Variants in FAM133B observed in about 807,000 individuals in gnomAD.
The protein encoded by FAM133B is protein FAM133B.
Under a neutral mutation model 46.4 loss-of-function variants are expected in FAM133B, and 25 were observed. The observed-to-expected ratio is 0.54, with a 90% CI of 0.39 to 0.75. The LOEUF is 0.75. FAM133B is among the 30% of genes least tolerant of loss of function. The probability of loss-of-function intolerance (pLI) is 0.00; values close to 1 mark genes in which losing one functional copy is unlikely to be tolerated. For missense variants in FAM133B, 205 were observed against 277.6 expected, an observed-to-expected ratio of 0.74 and a Z score of 1.86; for synonymous variants, 75 against 86.0, an observed-to-expected ratio of 0.87 and a Z score of 0.71.
chr7:92,577,089 T>G lies in FAM133B; in HGVS notation c.465+14A>C, dbSNP rs373479242. On this transcript the variant is annotated intron_variant, in intron 7 of 10. Coordinates refer to ENST00000445716, the MANE Select transcript of FAM133B (RefSeq NM_152789.4). ...GTCTTTGTATCCAATATATTAATAA[T>G]TTAAATAATTTACCTTACTGTCTGA... 4.3e-4 allele frequency: 608 copies of G among 1,398,956 alleles called. No homozygotes were observed. The highest frequency in any genetic ancestry group is 2.0e-3 in the Middle Eastern group (9 of 4,570). The allele number at this position is 1,398,956 out of a possible 1,614,324, so 86.7% of individuals were successfully genotyped here.
chr7:92,584,728 T>C (rs893643124), intron 1 of FAM133B, among the ~76,000 whole-genome samples: 1 of 152,322 alleles, frequency 6.6e-6, no homozygotes, highest in Non-Finnish European at 1.5e-5. Flanking sequence ...GGTGTGGAAG[T>C]ATGACAAACA....
chr7:92,579,102 AC>A (rs1202950738), intron 3 of FAM133B: 12 of 491,036 alleles, frequency 2.4e-5, no homozygotes, highest in Non-Finnish European at 4.4e-5. Flanking sequence ...AAAATACAGA[AC>A]CTCTTTAACT....
chr7:92,587,048 G>C (rs779288998), intron 1 of FAM133B, among the ~76,000 whole-genome samples: 17 of 152,154 alleles, frequency 1.1e-4, no homozygotes, highest in South Asian at 4.1e-4. Flanking sequence ...TGGTGCTGGC[G>C]AATGTTGATA....
rs1427972505 is a variant in FAM133B, at chr7:92,569,890, C to T, written c.542G>A (p.Arg181Lys). 1 of 1,418,544 alleles carries T rather than the reference C, an allele frequency of 7.0e-7. No individual in the cohort carries two copies. The highest frequency in any genetic ancestry group is 9.2e-7 in the Non-Finnish European group (1 of 1,082,870). The allele number at this position is 1,418,544 out of a possible 1,614,324, so 87.9% of individuals were successfully genotyped here. Residue 181 changes from arginine to lysine, a missense_variant, in exon 9 of 11, where the codon AGA (arginine) becomes AAA (lysine). Transcript: ENST00000445716. ...AGGTTTATCTTCAGAATACATCTTTCTCTTTTTGCTGAGTCCTTTAATATC... is the reference window on the plus strand; with the variant it reads ...AGGTTTATCTTCAGAATACATCTTTTTCTTTTTGCTGAGTCCTTTAATATC... ...EKDIKGLSKKRKMYSEDKPLS... is the reference protein window; with the variant it reads ...EKDIKGLSKKKKMYSEDKPLS...
At position 92,567,330 on chromosome 7, in the gene FAM133B, A is replaced by C. The variant is rs114194819; in HGVS notation, c.610-1269T>G. Among the ~76,000 whole-genome samples, 1,410 of 152,348 alleles carry C rather than the reference A, an allele frequency of 9.3e-3. 18 individuals carry two copies. The highest frequency in any genetic ancestry group is 0.032 in the African/African-American group (1,327 of 41,566). On this transcript the variant is annotated intron_variant, in intron 9 of 10. Transcript: ENST00000445716. Reference sequence around the variant, plus strand: ...TATTAAACTTGCTACCATGTAGCAGACAAACATAATACAACACTAATACAT... The same window carrying C: ...TATTAAACTTGCTACCATGTAGCAGCCAAACATAATACAACACTAATACAT...
rs550066193 is a variant in FAM133B at position 92,579,601 on chromosome 7, C to T, written c.123-206G>A. ...ATAAATAACACTAATCACTCCTTTTCTAAATATGGATTATAAGAGCTAATA... is the reference window on the plus strand; with the variant it reads ...ATAAATAACACTAATCACTCCTTTTTTAAATATGGATTATAAGAGCTAATA... On this transcript the variant is annotated intron_variant, in intron 2 of 10. Transcript: ENST00000445716. Among the ~76,000 whole-genome samples, 64 of 152,298 alleles carry T rather than the reference C, an allele frequency of 4.2e-4. No individual in the cohort carries two copies. In the South Asian group the frequency reaches 0.013, roughly 31 times the overall value.
At chr7:92,568,061 C>T (rs1794416841) in intron 9 of FAM133B, among the ~76,000 whole-genome samples, 1 of 151,926 alleles carries the variant, frequency 6.6e-6, no homozygotes, top group Non-Finnish European at 1.5e-5. Flanking sequence ...CCACACCTGG[C>T]CCAGAAACTA....
intron 2 of FAM133B, among the ~76,000 whole-genome samples, chr7:92,580,078 A>AT (rs1270589937): frequency 5.3e-5 from 8 of 152,008 alleles, no homozygotes; most frequent in Middle Eastern, 3.4e-3. Context: ...GGAAGCTGGA[A>AT]TTTTTTTTAA....
chr7:92,563,700 A>G (rs1193818722), intron 10 of FAM133B, among the ~76,000 whole-genome samples: 1 of 152,216 alleles, frequency 6.6e-6, no homozygotes, highest in Non-Finnish European at 1.5e-5. Context: ...AATTAGCACA[A>G]CAAAATGCTT....
At chr7:92,574,270 G>A (rs2116396845) in intron 8 of FAM133B, among the ~76,000 whole-genome samples, 1 of 152,324 alleles carries the variant, frequency 6.6e-6, no homozygotes, top group South Asian at 2.1e-4. Context: ...ACTGATACAT[G>A]CTACAACTTG....
intron 6 of FAM133B, chr7:92,577,432 A>G (rs565961141): frequency 4.5e-6 from 2 of 443,978 alleles, no homozygotes; most frequent in East Asian, 7.1e-5. Flanking sequence ...TCTTCTACTG[A>G]TATTTTTAGG....
At chr7:92,580,341 T>C (rs1794831656) in intron 2 of FAM133B, among the ~76,000 whole-genome samples, 1 of 152,088 alleles carries the variant, frequency 6.6e-6, no homozygotes, top group South Asian at 2.1e-4. Context: ...GCAATCCTCC[T>C]GCCTCGGCCT....
At chr7:92,565,118 G>C (rs376976005) in intron 10 of FAM133B, among the ~76,000 whole-genome samples, 13 of 151,032 alleles carry the variant, frequency 8.6e-5, no homozygotes, top group East Asian at 7.8e-4. Context: ...TGTAGCTTAA[G>C]GAAGTCAAAC....
At chr7:92,579,542 C>T (rs538753830) in intron 2 of FAM133B, 147 bp from the exon 3 acceptor site, 10 of 596,530 alleles carry the variant, frequency 1.7e-5, no homozygotes, top group South Asian at 4.5e-5. Flanking sequence ...TCTTTGTTCA[C>T]GTTTATAAAA....
intron 7 of FAM133B, among the ~76,000 whole-genome samples, 191 bp downstream of exon 7, chr7:92,576,910 GAT>G (rs1032149989): frequency 6.6e-6 from 1 of 151,928 alleles, no homozygotes; most frequent in Non-Finnish European, 1.5e-5. Flanking sequence ...GAGACATGGA[GAT>G]ATATATATAT....
chr7:92,589,943 T>TGGG (rs138851037), intron 1 of FAM133B: 26 of 436,168 alleles, frequency 6.0e-5, no homozygotes, highest in African/African-American at 3.6e-4. Flanking sequence ...GGGCCAGGTG[T>TGGG]GGGGGGGGTT....
intron 10 of FAM133B, among the ~76,000 whole-genome samples, chr7:92,565,300 C>A (rs533733769): frequency 1.7e-4 from 25 of 150,722 alleles, no homozygotes; most frequent in South Asian, 8.4e-4. Flanking sequence ...CAGGCGCCCG[C>A]CACCACGCCC....
At chr7:92,590,137 G>A in intron 1 of FAM133B, 131 bp downstream of exon 1, 2 of 1,386,174 alleles carry the variant, frequency 1.4e-6, no homozygotes, top group East Asian at 2.4e-5. Flanking sequence ...TCGGCGGAGG[G>A]TGCTGGGTCT....
chr7:92,587,447 T>C (rs1795066444), intron 1 of FAM133B, among the ~76,000 whole-genome samples: 1 of 152,080 alleles, frequency 6.6e-6, no homozygotes, highest in African/African-American at 2.4e-5. Flanking sequence ...GATACTATAT[T>C]GGTGAACGCA....
Sources: allele counts gnomAD v4.1 joint callset (sites outside exome capture counted in the v4.1 genomes callset), GRCh38; gene constraint gnomAD v4.1.1; transcripts MANE v1.5; gene names NCBI Gene and HGNC (gene_info 2026-07-23, HGNC 2026-07-21).